The following TDRD1 variants were observed in gnomAD, a reference collection of about 807,000 sequenced individuals.
The protein encoded by TDRD1 is tudor domain containing 1.
TDRD1 carries 37 observed loss-of-function variants against 140.6 expected under a neutral mutation model. The observed-to-expected ratio is 0.26, with a 90% confidence interval of 0.20 to 0.35. TDRD1 has a LOEUF of 0.35. TDRD1 is among the 10% of genes least tolerant of loss of function. TDRD1 has a pLI of 1.00. For synonymous variants in TDRD1, 506 were observed against 475.7 expected, an observed-to-expected ratio of 1.06 and a Z score of -0.83; for missense variants, 1,243 against 1,393.0, an observed-to-expected ratio of 0.89 and a Z score of 1.71.
chr10:114,175,616 G>A (rs2032677369), upstream of TDRD1, among the ~76,000 whole-genome samples: 4 of 152,118 alleles, frequency 2.6e-5, no homozygotes, highest in Admixed American at 2.6e-4. Flanking sequence ...GAGGTTAAGT[G>A]CTGATTCCCA....
At chr10:114,185,337 G>A (rs751299327) in intron 1 of TDRD1, among the ~76,000 whole-genome samples, 11 of 149,488 alleles carry the variant, frequency 7.4e-5, no homozygotes, top group African/African-American at 1.2e-4. Flanking sequence ...CTACAGGTGC[G>A]TGCCACCACA....
chr10:114,192,292 C>CATTTTTTT (rs2034027434), intron 3 of TDRD1, among the ~76,000 whole-genome samples: 1 of 75,112 alleles, frequency 1.3e-5, no homozygotes, highest in Admixed American at 1.4e-4. Flanking sequence ...GATAGTTTTC[C>CATTTTTTT]TTTTTTTTTT....
At chr10:114,221,015 A>G (rs1344917784) in intron 19 of TDRD1, among the ~76,000 whole-genome samples, 172 bp downstream of exon 19, 2 of 152,324 alleles carry the variant, frequency 1.3e-5, no homozygotes, top group Admixed American at 1.3e-4. Context: ...ATTCATTTCA[A>G]TGTAATTGTC....
intron 11 of TDRD1, among the ~76,000 whole-genome samples, chr10:114,207,859 C>A (rs2035227738): frequency 6.6e-6 from 1 of 151,934 alleles, no homozygotes; most frequent in Non-Finnish European, 1.5e-5. Flanking sequence ...CGCTAAGGCA[C>A]TGTGAAGGTG....
intron 25 of TDRD1, chr10:114,228,221 C>T: frequency 2.7e-6 from 4 of 1,463,364 alleles, no homozygotes; most frequent in Non-Finnish European, 3.6e-6. Context: ...GGAGTGAAAC[C>T]TATTGTAAGG....
At chr10:114,231,721 T>A in exon 26 of TDRD1, 1 of 512,702 alleles carries the variant, frequency 2.0e-6, no homozygotes, top group Non-Finnish European at 3.4e-6. Context: ...AAAAAATTCA[T>A]ACCAAATCAA....
rs140724088 is a variant in TDRD1, at chr10:114,225,342, C to G, written c.3008-707C>G. ...CCTTGGCCAATCTTCATTTCCAACT[C>G]CATCTTAACTCCTGCTTTTGAATGA... On this transcript the variant is annotated intron_variant, in intron 21 of 25. Coordinates refer to ENST00000251864, the Ensembl canonical transcript of TDRD1. 2.0e-5 allele frequency among the ~76,000 whole-genome samples: 3 copies of G among 152,266 alleles called. No homozygotes were observed. In the East Asian group the frequency reaches 5.8e-4, roughly 29 times the overall value.
chr10:114,200,139 C>T (rs887025126), intron 4 of TDRD1, among the ~76,000 whole-genome samples: 1 of 152,152 alleles, frequency 6.6e-6, no homozygotes, highest in Non-Finnish European at 1.5e-5. Context: ...TAGCCCTTCT[C>T]GTGGATAAGT....
At chr10:114,188,102 G>A (rs1291019919) in exon 2 of TDRD1, 2 of 1,610,408 alleles carry the variant, frequency 1.2e-6, no homozygotes, top group East Asian at 2.2e-5. Flanking sequence ...AAACCCGAAT[G>A]GCATCAACGG....
chr10:114,201,596 C>A, intron 5 of TDRD1, 81 bp downstream of exon 5: 1 of 1,147,302 alleles, frequency 8.7e-7, no homozygotes, highest in Non-Finnish European at 1.3e-6. Context: ...GTTAAGCAGA[C>A]CACAACCAAG....
intron 21 of TDRD1, among the ~76,000 whole-genome samples, chr10:114,225,180 C>T (rs1215645340): frequency 1.3e-5 from 2 of 152,202 alleles, no homozygotes; most frequent in African/African-American, 4.8e-5. Flanking sequence ...CAGTCTTCTG[C>T]CCTCAAGTAG....
chr10:114,185,296 TCTC>T (rs1410379162), intron 1 of TDRD1, among the ~76,000 whole-genome samples: 2 of 152,160 alleles, frequency 1.3e-5, no homozygotes, highest in Non-Finnish European at 2.9e-5. Flanking sequence ...TTCAAGCTAT[TCTC>T]CTGCCTCAGC....
chr10:114,195,154 G>A (rs193228391), intron 3 of TDRD1, among the ~76,000 whole-genome samples: 6 of 152,200 alleles, frequency 3.9e-5, no homozygotes, highest in Admixed American at 3.3e-4. Flanking sequence ...AAGATTATTA[G>A]TATTTTTTCT....
At chr10:114,201,648 A>C in intron 5 of TDRD1, 133 bp downstream of exon 5, 1 of 639,426 alleles carries the variant, frequency 1.6e-6, no homozygotes, top group Non-Finnish European at 2.6e-6. Flanking sequence ...AAGTGTACAA[A>C]TCTGAAGTGA....
intron 25 of TDRD1, among the ~76,000 whole-genome samples, chr10:114,231,279 T>G (rs1454978778): frequency 6.6e-6 from 1 of 152,200 alleles, no homozygotes; most frequent in Admixed American, 6.5e-5. Flanking sequence ...ATATGTTATA[T>G]TTGTGAAGGG....
chr10:114,230,587 C>T (rs531182222), intron 25 of TDRD1, among the ~76,000 whole-genome samples: 1 of 152,322 alleles, frequency 6.6e-6, no homozygotes, highest in African/African-American at 2.4e-5. Flanking sequence ...GTGTCAACTT[C>T]CCTGAGCTGC....
At chr10:114,202,286 G>A in exon 6 of TDRD1, 1 of 1,602,180 alleles carries the variant, frequency 6.2e-7, no homozygotes, top group Non-Finnish European at 8.5e-7. Flanking sequence ...AGGATGTGGA[G>A]GTAAACAATA....
At position 114,227,891 on chromosome 10, in the gene TDRD1, A is replaced by AT. The variant is rs746826872; in HGVS notation, c.3404-14dup. On this transcript the variant is annotated intron_variant, in intron 23 of 25. Transcript: ENST00000251864. Reference sequence around the variant, plus strand: ...TACATTATGTGTTATCTAATGGCTTATTTTTCTTGTGCTTTTAGAAAAGAT... The same window carrying AT: ...TACATTATGTGTTATCTAATGGCTTATTTTTTCTTGTGCTTTTAGAAAAGAT... The AT allele has an allele frequency of 6.2e-7, 1 of 1,608,850 alleles. No homozygotes were observed. Among genetic ancestry groups the AT allele is most frequent in the South Asian group, 1.1e-5 (1 of 90,830 alleles).
At chr10:114,204,772 C>G in exon 10 of TDRD1, 1 of 1,601,538 alleles carries the variant, frequency 6.2e-7, no homozygotes, top group Non-Finnish European at 8.5e-7. Context: ...GGAATTGGAG[C>G]AGTGATTGTA....
Sources: gnomAD v4.1 joint callset for allele counts (sites outside exome capture counted in the v4.1 genomes callset) on GRCh38, gnomAD v4.1.1 for gene constraint, MANE v1.5 for transcripts, NCBI Gene and HGNC (gene_info 2026-07-23, HGNC 2026-07-21) for gene names.